SLC22A7: variants seen among roughly 807,000 people sequenced by gnomAD.
The protein encoded by SLC22A7 is solute carrier family 22 member 7.
SLC22A7 carries 48 observed loss-of-function variants against 62.2 expected under a neutral mutation model. The ratio of observed to expected loss-of-function variants is 0.77; its 90% CI spans 0.61 to 0.98. The LOEUF is 0.98. SLC22A7 is among the 50% of genes least tolerant of loss of function. The pLI is 0.00. For synonymous variants in SLC22A7, 276 were observed against 314.8 expected (o/e 0.88, Z 1.30); for missense variants, 581 against 703.8 (o/e 0.83, Z 1.97).
rs1414939132 is a variant in SLC22A7 at position 43,304,772 on chromosome 6, G to C, written c.*47G>C. On this transcript the variant is annotated 3_prime_UTR_variant, in exon 11 of 11. Coordinates refer to ENST00000372585, the MANE Select transcript of SLC22A7 (RefSeq NM_153320.2). ...CCACAGAAGCTCTGCAGCAGGGGCTGGGAGAGCAGAAGGGCAGGCCCTGCA... is the reference window on the plus strand; with the variant it reads ...CCACAGAAGCTCTGCAGCAGGGGCTCGGAGAGCAGAAGGGCAGGCCCTGCA... 6.9e-7 allele frequency: 1 copy of C among 1,454,422 alleles called. No individual in the cohort carries two copies. Among genetic ancestry groups the C allele is most frequent in the Non-Finnish European group, 9.3e-7 (1 of 1,075,692 alleles). 90.1% of individuals were successfully genotyped at this position (1,454,422 alleles called of 1,614,324 possible).
chr6:43,304,346 G>T (rs1011154746), intron 10 of SLC22A7, 102 bp downstream of exon 10: 41 of 1,038,680 alleles, frequency 3.9e-5, no homozygotes, highest in African/African-American at 3.7e-4. Flanking sequence ...AACTATATCT[G>T]CACATGTGTA....
At chr6:43,303,052 A>C in intron 9 of SLC22A7, 3 of 912,344 alleles carry the variant, frequency 3.3e-6, no homozygotes, top group Non-Finnish European at 3.9e-6. Flanking sequence ...CCCAGAATAC[A>C]GAGCTAATCA....
At chr6:43,300,102 A>G (rs1437399799) in intron 5 of SLC22A7, 36 bp downstream of exon 5, 2 of 1,603,622 alleles carry the variant, frequency 1.2e-6, no homozygotes, top group Non-Finnish European at 1.7e-6. Flanking sequence ...CGGGAGATAC[A>G]GGAAGTGAAA....
rs1778773000 is a variant in SLC22A7, at chr6:43,302,111, C to T, written c.1062-89C>T. On this transcript the variant is annotated intron_variant, in intron 7 of 10. Coordinates refer to ENST00000372585, the MANE Select transcript of SLC22A7 (RefSeq NM_153320.2). This position sits in a 1 kb window ranked among gnomAD's most constrained non-coding sequence, Gnocchi z 5.0. ...GGGTTGCAGAGACAGAAGGAGATTG[C>T]CCTTGTAAAATGCCAAGTCTTCCTG... 2.3e-5 allele frequency: 28 copies of T among 1,192,944 alleles called. No individual in the cohort carries two copies. The highest frequency in any genetic ancestry group is 3.2e-5 in the Non-Finnish European group (27 of 838,288). The allele number at this position is 1,192,944 out of a possible 1,614,324, so 73.9% of individuals were successfully genotyped here. A position where few individuals can be genotyped will look rare whatever the true frequency, so the allele number is the denominator to read the frequency against.
In SLC22A7 at chr6:43,299,263, T is replaced by A. The variant is rs1344208623; in HGVS notation, c.400-127T>A. ...GCGTGAATCGTTGGGAGGTTTATTATCTGGCATGGAGGTACCAGAATGGCA... is the reference window on the plus strand; with the variant it reads ...GCGTGAATCGTTGGGAGGTTTATTAACTGGCATGGAGGTACCAGAATGGCA... On this transcript the variant is annotated intron_variant, in intron 2 of 10. Transcript: ENST00000372585. This position sits in a 1 kb window ranked among gnomAD's most constrained non-coding sequence, Gnocchi z 4.4. 3.7e-6 allele frequency: 6 copies of A among 1,604,674 alleles called. No homozygotes were observed. The highest frequency in any genetic ancestry group is 1.7e-4 in the Middle Eastern group (1 of 6,058).
Position 43,304,652 on chromosome 6 carries a change from A to G in SLC22A7, c.1593-19A>G, listed in dbSNP as rs571471783. ...CGGGGATTAAACCCCACCATTGCTC[A>G]CAACTCCTTCCTCCCTAGTGCCCCA... is the stretch of plus-strand genomic sequence containing the variant. On this transcript the variant is annotated intron_variant, in intron 10 of 10. Transcript: ENST00000372585. 5.6e-6 allele frequency: 9 copies of G among 1,603,052 alleles called. No individual in the cohort carries two copies. The South Asian group carries it at 1.0e-4, about 18-fold the overall frequency.
Position 43,299,440 on chromosome 6 carries a change from C to T in SLC22A7, c.450C>T (p.Phe150=), listed in dbSNP as rs1161139617. ...QKGLNRAAST[F]FFAGVLVGAV... is the part of the protein sequence containing the mutation. Reference sequence around the variant, plus strand: ...GTCTGAACAGAGCTGCGTCCACTTTCTTCTTCGCCGGTGTGCTGGTGGGGG... The same window carrying T: ...GTCTGAACAGAGCTGCGTCCACTTTTTTCTTCGCCGGTGTGCTGGTGGGGG... The change falls in exon 3 of 11, where the codon TTC becomes TTT. Residue 150 remains phenylalanine (F), a synonymous_variant. Transcript: ENST00000372585. The surrounding 1 kb of genome is among the most constrained non-coding windows in gnomAD (Gnocchi z 4.4). 12 of 1,614,148 alleles carry T rather than the reference C, an allele frequency of 7.4e-6. No individual in the cohort carries two copies. Among genetic ancestry groups the T allele is most frequent in the Non-Finnish European group, 1.0e-5 (12 of 1,180,004 alleles).
chr6:43,296,805 TC>T (rs1480081869), upstream of SLC22A7, among the ~76,000 whole-genome samples: 2 of 152,082 alleles, frequency 1.3e-5, no homozygotes, highest in Non-Finnish European at 2.9e-5. Context: ...AGCTAGACTT[TC>T]CCCCTCAGGC....
Position 43,304,048 on chromosome 6 carries a change from A to T in SLC22A7, c.1396A>T (p.Met466Leu). Residue 466 changes from methionine to leucine, a missense_variant, in exon 10 of 11, where the codon ATG becomes TTG. Met to Leu is a conservative substitution (Grantham distance 15). Coordinates refer to ENST00000372585, the MANE Select transcript of SLC22A7 (RefSeq NM_153320.2). ...LYPTVLRQTG[M>L]GLTALVGRLG... The stretch of plus-strand genomic sequence containing the variant: ...TCTTTCTCTGAACAGACAGACAGGG[A>T]TGGGGCTGACTGCACTGGTGGGCCG... The T allele has an allele frequency of 6.4e-7, 1 of 1,558,204 alleles. No homozygotes were observed. Among genetic ancestry groups the T allele is most frequent in the Non-Finnish European group, 8.7e-7 (1 of 1,148,880 alleles).
In SLC22A7 at chr6:43,304,070, G is replaced by A; in HGVS notation, c.1418G>A (p.Gly473Asp). 6.3e-7 allele frequency: 1 copy of A among 1,588,984 alleles called. No individual in the cohort carries two copies. Among genetic ancestry groups the A allele is most frequent in the Non-Finnish European group, 8.6e-7 (1 of 1,166,112 alleles). The change falls in exon 10 of 11, where the codon GGC becomes GAC. Residue 473 changes from glycine to aspartate, a missense_variant. Coordinates refer to ENST00000372585, the MANE Select transcript of SLC22A7 (RefSeq NM_153320.2). ...GGGATGGGGCTGACTGCACTGGTGG[G>A]CCGGCTGGGGGGCTCTTTGGCCCCA... is the stretch of plus-strand genomic sequence containing the variant. ...QTGMGLTALV[G>D]RLGGSLAPLA... is the part of the protein sequence containing the mutation.
chr6:43,296,993 C>T (rs906023515), upstream of SLC22A7, among the ~76,000 whole-genome samples: 1 of 152,104 alleles, frequency 6.6e-6, no homozygotes, highest in South Asian at 2.1e-4. Context: ...GTGTCTGAGG[C>T]ATCTATGTAC....
chr6:43,304,484 G>A (rs955431309), intron 10 of SLC22A7, 187 bp from the exon 11 acceptor site: 1 of 599,634 alleles, frequency 1.7e-6, no homozygotes, highest in Non-Finnish European at 3.0e-6. Context: ...TCAGGAAGAT[G>A]TGTATGTGTG....
chr6:43,304,153 A>T lies in SLC22A7; in HGVS notation c.1501A>T (p.Ile501Phe). The change falls in exon 10 of 11, where the codon ATC becomes TTC. Residue 501 changes from isoleucine to phenylalanine, a missense_variant. By Grantham distance (21) the Ile-to-Phe change is conservative. Transcript: ENST00000372585. ...ACTGCCCAAGCTTACTTATGGGGGGATCGCCCTGCTGGCTGCCGGCACCGC... is the reference window on the plus strand; with the variant it reads ...ACTGCCCAAGCTTACTTATGGGGGGTTCGCCCTGCTGGCTGCCGGCACCGC... ...LSLPKLTYGG[I>F]ALLAAGTALL... 2.5e-6 allele frequency: 4 copies of T among 1,604,036 alleles called. No individual in the cohort carries two copies. Among genetic ancestry groups the T allele is most frequent in the Non-Finnish European group, 3.4e-6 (4 of 1,173,754 alleles).
rs552755804 is a variant in SLC22A7 at position 43,300,441 on chromosome 6, C to T, written c.827+375C>T. Among the ~76,000 whole-genome samples, 22 of 152,074 alleles carry T rather than the reference C, an allele frequency of 1.4e-4. 1 individual carries two copies. The highest frequency in any genetic ancestry group is 2.9e-5 in the Non-Finnish European group (2 of 67,976). Reference sequence around the variant, plus strand: ...ACATTGCCTCCTAAAGATGACTTGGCCTTGGATGACCCTTCTGGATATGTC... The same window carrying T: ...ACATTGCCTCCTAAAGATGACTTGGTCTTGGATGACCCTTCTGGATATGTC... On this transcript the variant is annotated intron_variant, in intron 5 of 10. Transcript: ENST00000372585.
rs1170169432 is a variant in SLC22A7 at position 43,304,870 on chromosome 6, C to T, written c.*145C>T. ...CCAGTACCCGCTCCCTCTGCTCATC[C>T]ATCCTTGATTATTTGGCTTCTAGGA... On this transcript the variant is annotated 3_prime_UTR_variant, in exon 11 of 11. Transcript: ENST00000372585. 7.5e-6 allele frequency: 4 copies of T among 535,480 alleles called. No homozygotes were observed. Among genetic ancestry groups the T allele is most frequent in the Non-Finnish European group, 1.3e-5 (4 of 312,204 alleles). 33.2% of individuals were successfully genotyped at this position (535,480 alleles called of 1,614,324 possible).
rs1778630603 is a variant in SLC22A7, at chr6:43,298,838, T to G, written c.393+87T>G. 5 of 1,492,654 alleles carry G rather than the reference T, an allele frequency of 3.3e-6. No individual in the cohort carries two copies. The South Asian group carries it at 6.9e-5, about 21-fold the overall frequency. 92.5% of individuals were successfully genotyped at this position (1,492,654 alleles called of 1,614,324 possible). ...GTTACTGTGTAGGCATTAGATGTAT[T>G]ACTTTACCTCTTAAAGTCTCAGTTT... On this transcript the variant is annotated intron_variant, in intron 1 of 10. Transcript: ENST00000372585.
rs1778621648 is a variant in SLC22A7, at chr6:43,298,637, G to A, written c.279G>A (p.Thr93=). The A allele has an allele frequency of 5.7e-6, 9 of 1,589,606 alleles. No individual in the cohort carries two copies. Among genetic ancestry groups the A allele is most frequent in the Admixed American group, 1.7e-5 (1 of 58,388 alleles). Residue 93 remains threonine (T), a synonymous_variant, in exon 1 of 11, where the codon ACG becomes ACA. Transcript: ENST00000372585. ...ATCCCCAGGCTCTCCCCAACACCACGTTGGGGGAAGAAAGGCAGAGCCGTG... is the reference window on the plus strand; with the variant it reads ...ATCCCCAGGCTCTCCCCAACACCACATTGGGGGAAGAAAGGCAGAGCCGTG... The part of the protein sequence containing the change: ...FAYPQALPNT[T]LGEERQSRGE...
At position 43,301,271 on chromosome 6, in the gene SLC22A7, G is replaced by A. The variant is rs185174806; in HGVS notation, c.951+13G>A. 33 of 1,613,730 alleles carry A rather than the reference G, an allele frequency of 2.0e-5. No individual in the cohort carries two copies. Among genetic ancestry groups the A allele is most frequent in the Non-Finnish European group, 2.4e-5 (28 of 1,179,954 alleles). On this transcript the variant is annotated intron_variant, in intron 6 of 10. Coordinates refer to ENST00000372585, the MANE Select transcript of SLC22A7 (RefSeq NM_153320.2). ...CTTCAGCCAGGAGGTGAGGGTGAAC[G>A]TGTGTGTGAGCATGCATATATGTGT...
intron 5 of SLC22A7, among the ~76,000 whole-genome samples, chr6:43,300,678 T>G (rs1032667147): frequency 2.0e-5 from 3 of 152,194 alleles, no homozygotes; most frequent in Middle Eastern, 3.2e-3. Context: ...GCTCTGTCGC[T>G]GGAGTACAGT....
Sources: gnomAD v4.1 joint callset for allele counts (sites outside exome capture counted in the v4.1 genomes callset) on GRCh38, gnomAD v4.1.1 for gene constraint, Gnocchi (gnomAD v3.1) non-coding constraint, MANE v1.5 for transcripts, NCBI Gene and HGNC (gene_info 2026-07-23, HGNC 2026-07-21) for gene names.